Variants in ARMC2 observed in about 807,000 individuals in gnomAD.
The protein encoded by ARMC2 is armadillo repeat containing 2.
In ARMC2, 67 loss-of-function variants were observed where a neutral mutation model predicts 90.3. The observed-to-expected ratio is 0.74, with a 90% CI of 0.61 to 0.91. The LOEUF (loss-of-function observed/expected upper bound fraction) is 0.91. Ranked by LOEUF, ARMC2 falls within the 40% of genes least tolerant of loss-of-function variation. The pLI is 0.00. For missense variants in ARMC2, 920 were observed against 1,030.9 expected (o/e 0.89, Z 1.47); for synonymous variants, 393 against 393.0 (o/e 1.00, Z 0.00).
the ARMC2 span, among the ~76,000 whole-genome samples, chr6:109,034,058 C>T: frequency 6.6e-6 from 1 of 152,166 alleles, no homozygotes; most frequent in East Asian, 1.9e-4. Context: ...TACATGAAAT[C>T]ATGCACAGTG....
chr6:108,917,472 T>C (rs1309442340), intron 10 of ARMC2, among the ~76,000 whole-genome samples: 1 of 152,114 alleles, frequency 6.6e-6, no homozygotes, highest in East Asian at 1.9e-4. Flanking sequence ...GGAAAGTGTA[T>C]GGAACAAAGA....
chr6:108,885,323 A>G (rs111879752), intron 5 of ARMC2, among the ~76,000 whole-genome samples: 4 of 152,124 alleles, frequency 2.6e-5, no homozygotes, highest in African/African-American at 7.2e-5. Context: ...TTTTGATCTT[A>G]CAGACATCCC....
intron 12 of ARMC2, among the ~76,000 whole-genome samples, chr6:108,942,579 T>G (rs1178470179): frequency 1.3e-5 from 2 of 152,232 alleles, no homozygotes; most frequent in African/African-American, 4.8e-5. Flanking sequence ...GCAACTTATT[T>G]AAACAGAATT....
intron 5 of ARMC2, among the ~76,000 whole-genome samples, chr6:108,883,657 AGATCTTT>A (rs1370476453): frequency 1.3e-5 from 2 of 152,186 alleles, no homozygotes; most frequent in Non-Finnish European, 2.9e-5. Flanking sequence ...AACTTTAGAG[AGATCTTT>A]TAGAAACTAT....
At chr6:109,038,911 A>AAGGAGG in the ARMC2 span, among the ~76,000 whole-genome samples, 965 of 149,890 alleles carry the variant, frequency 6.4e-3, 12 homozygotes, top group African/African-American at 0.023. Context: ...AGAAAAAAGG[A>AAGGAGG]AGGAGGAGGA....
At chr6:108,997,980 A>C in the ARMC2 span, among the ~76,000 whole-genome samples, 10 of 152,230 alleles carry the variant, frequency 6.6e-5, no homozygotes, top group African/African-American at 2.4e-4. Context: ...ATTTTAACAC[A>C]TTTACATTCA....
At chr6:108,864,997 ATTTTT>A (rs36025894) in intron 3 of ARMC2, among the ~76,000 whole-genome samples, 1 of 132,836 alleles carries the variant, frequency 7.5e-6, no homozygotes. Flanking sequence ...TCTCAAGTGA[ATTTTT>A]TTTTTTTTTT....
intron 4 of ARMC2, among the ~76,000 whole-genome samples, chr6:108,872,116 A>T (rs982699663): frequency 2.6e-5 from 4 of 152,182 alleles, no homozygotes; most frequent in Non-Finnish European, 4.4e-5. Flanking sequence ...AGGCTGCAGA[A>T]ATGGAGGGCA....
At chr6:108,865,497 T>G (rs929261422) in intron 3 of ARMC2, among the ~76,000 whole-genome samples, 11 of 152,256 alleles carry the variant, frequency 7.2e-5, no homozygotes, top group African/African-American at 2.7e-4. Flanking sequence ...TGTCACTTTA[T>G]ATTCTAAGTA....
chr6:108,867,428 G>GA (rs940948668), intron 3 of ARMC2, among the ~76,000 whole-genome samples: 2 of 151,984 alleles, frequency 1.3e-5, no homozygotes, highest in Non-Finnish European at 2.9e-5. Context: ...AAAGATGGGG[G>GA]AAAAAATAGG....
At chr6:108,965,609 G>A (rs1029347018) in intron 17 of ARMC2, among the ~76,000 whole-genome samples, 1 of 152,090 alleles carries the variant, frequency 6.6e-6, no homozygotes, top group African/African-American at 2.4e-5. Context: ...TCCTTGAAAG[G>A]TAGGAAATCA....
rs550830187 is a variant in ARMC2, at chr6:108,880,646, T to C, written c.671+4296T>C. ...AAGCCACCACATCAACATTGTAGAA[T>C]ACTGTTTTGTGAACCAATGTGTTCC... On this transcript the variant is annotated intron_variant, in intron 5 of 17. Coordinates refer to ENST00000392644, the MANE Select transcript of ARMC2 (RefSeq NM_032131.6). Among the ~76,000 whole-genome samples the C allele has an allele frequency of 2.2e-4, 34 of 152,272 alleles. No individual in the cohort carries two copies. The South Asian group carries it at 6.8e-3, about 31-fold the overall frequency.
the ARMC2 span, among the ~76,000 whole-genome samples, chr6:109,033,850 C>T: frequency 6.6e-6 from 1 of 152,112 alleles, no homozygotes; most frequent in Non-Finnish European, 1.5e-5. Context: ...ATAATTGATT[C>T]CAGCCATGTT....
At chr6:108,952,898 T>G in intron 12 of ARMC2, 135 bp from the exon 13 acceptor site, 1 of 825,786 alleles carries the variant, frequency 1.2e-6, no homozygotes, top group Non-Finnish European at 1.9e-6. Flanking sequence ...AATCAAATAC[T>G]GTACAAGTGA....
the ARMC2 span, among the ~76,000 whole-genome samples, chr6:109,048,263 A>T: frequency 1.3e-5 from 2 of 152,132 alleles, no homozygotes; most frequent in African/African-American, 4.8e-5. Flanking sequence ...CCCTGCTTGT[A>T]TGTGGTGCAG....
the ARMC2 span, among the ~76,000 whole-genome samples, chr6:109,043,486 A>C: frequency 6.6e-6 from 1 of 152,206 alleles, no homozygotes; most frequent in Admixed American, 6.5e-5. Context: ...ATTTATAAAA[A>C]ACAACGAATT....
rs145293109 is a variant in ARMC2 at position 108,881,833 on chromosome 6, C to T, written c.671+5483C>T. ...AAGGGAACATATACTCCCAGGTCAG[C>T]AAAGGTAATGGATTTGGTGATTGCA... On this transcript the variant is annotated intron_variant, in intron 5 of 17. Coordinates refer to ENST00000392644, the MANE Select transcript of ARMC2 (RefSeq NM_032131.6). Among the ~76,000 whole-genome samples, 633 of 152,226 alleles carry T rather than the reference C, an allele frequency of 4.2e-3. 3 individuals are homozygous for T. Among genetic ancestry groups the T allele is most frequent in the African/African-American group, 0.014 (593 of 41,518 alleles).
downstream of ARMC2, among the ~76,000 whole-genome samples, chr6:108,978,602 G>A (rs1411684003): frequency 2.0e-5 from 3 of 152,182 alleles, no homozygotes; most frequent in Non-Finnish European, 4.4e-5. Flanking sequence ...GGGTGTTAAA[G>A]TCTCTGACTA....
At chr6:108,943,590 A>G (rs1776604124) in intron 12 of ARMC2, among the ~76,000 whole-genome samples, 1 of 152,048 alleles carries the variant, frequency 6.6e-6, no homozygotes. Context: ...ACTTTGCGGC[A>G]GATGGATCGT....
Sources: gnomAD v4.1 joint callset for allele counts (sites outside exome capture counted in the v4.1 genomes callset) on GRCh38, gnomAD v4.1.1 for gene constraint, MANE v1.5 for transcripts, NCBI Gene and HGNC (gene_info 2026-07-23, HGNC 2026-07-21) for gene names.